KCNIP4: variants seen among roughly 807,000 people sequenced by gnomAD.
The protein encoded by KCNIP4 is potassium voltage-gated channel interacting protein 4.
Under a neutral mutation model 34.0 loss-of-function variants are expected in KCNIP4, and 12 were observed. The ratio of observed to expected loss-of-function variants is 0.35; its 90% confidence interval spans 0.23 to 0.57. KCNIP4 has a LOEUF of 0.57. Among genes scored for constraint, KCNIP4 ranks in the 20% least tolerant of loss-of-function variants. The pLI is 0.83. For missense variants in KCNIP4, 238 were observed against 311.7 expected (o/e 0.76, Z 1.78); for synonymous variants, 124 against 102.2 (o/e 1.21, Z -1.29).
intron 1 of KCNIP4, among the ~76,000 whole-genome samples, chr4:21,948,154 G>T (rs1174296958): frequency 2.6e-5 from 4 of 152,170 alleles, no homozygotes; most frequent in African/African-American, 4.8e-5. Flanking sequence ...AAACGTGTGG[G>T]GGCATGAAGG....
intron 1 of KCNIP4, among the ~76,000 whole-genome samples, chr4:21,461,792 G>C (rs1472761153): frequency 6.6e-6 from 1 of 151,824 alleles, no homozygotes; most frequent in Admixed American, 6.6e-5. Flanking sequence ...AGAGGTTAAT[G>C]GTGCTAGAAA....
At chr4:21,725,781 C>A (rs3864177) in intron 1 of KCNIP4, among the ~76,000 whole-genome samples, 61,391 of 151,832 alleles carry the variant, frequency 0.4, 14,676 homozygotes, top group East Asian at 0.67. Context: ...CTGTTTTATT[C>A]TTGGTGATTT....
In KCNIP4 at chr4:21,615,279, G is replaced by A. The variant is rs371079550; in HGVS notation, c.61+333292C>T. ...TATAGGGCCGGGCGCGGTGGCTCACGCCTGTAATCCTAGCACTTTGGGAGG... is the reference window on the plus strand; with the variant it reads ...TATAGGGCCGGGCGCGGTGGCTCACACCTGTAATCCTAGCACTTTGGGAGG... On this transcript the variant is annotated intron_variant, in intron 1 of 8. Transcript: ENST00000382152. 4.6e-5 allele frequency among the ~76,000 whole-genome samples: 7 copies of A among 152,070 alleles called. No homozygotes were observed. The East Asian group carries it at 5.8e-4, about 13-fold the overall frequency.
At chr4:21,129,758 T>C (rs1750919657) in intron 1 of KCNIP4, among the ~76,000 whole-genome samples, 1 of 152,180 alleles carries the variant, frequency 6.6e-6, no homozygotes, top group South Asian at 2.1e-4. Flanking sequence ...ACTTGGGTCA[T>C]TTTAAATGCA....
chr4:21,466,812 C>G (rs1405858409), intron 1 of KCNIP4, among the ~76,000 whole-genome samples: 1 of 151,938 alleles, frequency 6.6e-6, no homozygotes, highest in African/African-American at 2.4e-5. Context: ...TGGCCTCATC[C>G]CCACCCTACA....
intron 1 of KCNIP4, among the ~76,000 whole-genome samples, chr4:21,842,170 T>G (rs1057237605): frequency 6.6e-6 from 1 of 152,180 alleles, no homozygotes; most frequent in African/African-American, 2.4e-5. Flanking sequence ...CTTTAAAATT[T>G]TCAAAGTAAT....
At chr4:21,303,085 GA>G (rs1560271253) in intron 1 of KCNIP4, among the ~76,000 whole-genome samples, 1 of 152,086 alleles carries the variant, frequency 6.6e-6, no homozygotes, top group Non-Finnish European at 1.5e-5. Context: ...GATTCCCAGA[GA>G]AACATTTAAT....
intron 3 of KCNIP4, among the ~76,000 whole-genome samples, chr4:20,778,159 A>C (rs965373065): frequency 3.3e-5 from 5 of 152,100 alleles, no homozygotes; most frequent in African/African-American, 9.7e-5. Flanking sequence ...AGTAGCATAG[A>C]CTCTGAAACA....
chr4:21,766,267 T>TA (rs1718411435), intron 1 of KCNIP4, among the ~76,000 whole-genome samples: 1 of 152,188 alleles, frequency 6.6e-6, no homozygotes, highest in African/African-American at 2.4e-5. Context: ...GCACTGCACT[T>TA]GGCGTATACC....
intron 1 of KCNIP4, among the ~76,000 whole-genome samples, chr4:20,934,683 T>A (rs1326259227): frequency 6.6e-6 from 1 of 152,204 alleles, no homozygotes; most frequent in Non-Finnish European, 1.5e-5. Flanking sequence ...TAAGTTCTAG[T>A]GAGGAGAAAT....
intron 1 of KCNIP4, among the ~76,000 whole-genome samples, chr4:21,028,501 C>G (rs1223691750): frequency 1.3e-5 from 2 of 152,274 alleles, no homozygotes; most frequent in East Asian, 3.9e-4. Context: ...TAACATGTTC[C>G]TGATCCAATG....
At chr4:21,232,479 A>G (rs1758866083) in intron 1 of KCNIP4, among the ~76,000 whole-genome samples, 1 of 152,204 alleles carries the variant, frequency 6.6e-6, no homozygotes, top group Non-Finnish European at 1.5e-5. Flanking sequence ...AAAATAGGCA[A>G]AATATGTCCA....
At chr4:21,328,849 C>T (rs1489123008) in intron 1 of KCNIP4, among the ~76,000 whole-genome samples, 1 of 152,246 alleles carries the variant, frequency 6.6e-6, no homozygotes, top group Non-Finnish European at 1.5e-5. Context: ...GGAGTCTCTT[C>T]CCTAGGCCCC....
At chr4:21,015,814 A>G (rs1409540275) in intron 1 of KCNIP4, among the ~76,000 whole-genome samples, 2 of 137,752 alleles carry the variant, frequency 1.5e-5, no homozygotes, top group Admixed American at 7.8e-5. Context: ...TACTATATAT[A>G]CCATATATAA....
Position 20,830,745 on chromosome 4 carries a change from C to G in KCNIP4, c.288+19798G>C, listed in dbSNP as rs1369391511. 2.6e-5 allele frequency among the ~76,000 whole-genome samples: 4 copies of G among 152,298 alleles called. No individual in the cohort carries two copies. In the East Asian group the frequency reaches 7.7e-4, roughly 29 times the overall value. On this transcript the variant is annotated intron_variant, in intron 3 of 8. Transcript: ENST00000382152. ...GTTTGCTTCTTGAGGGAAAGAATCA[C>G]AAGTTTGTTTACTATCCATCTCCCA...
intron 1 of KCNIP4, among the ~76,000 whole-genome samples, chr4:21,355,823 C>T (rs1460247137): frequency 6.6e-6 from 1 of 152,038 alleles, no homozygotes; most frequent in Non-Finnish European, 1.5e-5. Context: ...TCATCCTGAT[C>T]CCAAAACATG....
intron 1 of KCNIP4, among the ~76,000 whole-genome samples, chr4:21,943,230 A>C (rs1187808425): frequency 2.0e-5 from 3 of 152,242 alleles, no homozygotes; most frequent in African/African-American, 4.8e-5. Flanking sequence ...CAACAATAAA[A>C]GAAAAACAAC....
chr4:20,744,066 C>A (rs998025475), intron 5 of KCNIP4, among the ~76,000 whole-genome samples: 13 of 152,122 alleles, frequency 8.5e-5, no homozygotes, highest in Non-Finnish European at 1.5e-4. Context: ...CAATGAGATA[C>A]CATCTCACAC....
At chr4:21,913,006 T>C (rs1434409868) in intron 1 of KCNIP4, among the ~76,000 whole-genome samples, 1 of 151,952 alleles carries the variant, frequency 6.6e-6, no homozygotes, top group Non-Finnish European at 1.5e-5. Context: ...TAGGTAATAA[T>C]GGTGGGTTAG....
Sources: allele counts gnomAD v4.1 joint callset (sites outside exome capture counted in the v4.1 genomes callset), GRCh38; gene constraint gnomAD v4.1.1; transcripts MANE v1.5; gene names NCBI Gene and HGNC (gene_info 2026-07-23, HGNC 2026-07-21).